Variants in VIRMA observed in about 807,000 individuals in gnomAD.
VIRMA encodes the protein vir like m6A methyltransferase associated, also known as protein virilizer homolog.
In VIRMA, 65 loss-of-function variants were observed where a neutral mutation model predicts 182.4. The observed-to-expected ratio is 0.36, with a 90% confidence interval of 0.29 to 0.44. The LOEUF (loss-of-function observed/expected upper bound fraction) is 0.44, where lower values mean the gene tolerates loss of function less well. Ranked by LOEUF, VIRMA falls within the 20% of genes least tolerant of loss-of-function variation. VIRMA has a pLI of 1.00. For synonymous variants in VIRMA, 709 were observed against 743.1 expected (o/e 0.95, Z 0.75); for missense variants, 1,752 against 2,158.1 (o/e 0.81, Z 3.73).
chr8:94,495,008 A>AT, intron 19 of VIRMA, 52 bp from the exon 20 acceptor site: 16 of 1,324,592 alleles, frequency 1.2e-5, no homozygotes, highest in Non-Finnish European at 1.5e-5. Context: ...ATCAAATTTC[A>AT]ATTTTTTTTT....
chr8:94,519,600 C>T, intron 8 of VIRMA, 124 bp from the exon 9 acceptor site: 1 of 929,520 alleles, frequency 1.1e-6, no homozygotes, highest in South Asian at 2.6e-5. Flanking sequence ...TAATATACTG[C>T]TTTAACTGAA....
chr8:94,537,156 CAA>C lies in VIRMA; in HGVS notation c.267-7_267-6del. The C allele has an allele frequency of 6.3e-7, 1 of 1,582,008 alleles. No homozygotes were observed. The highest frequency in any genetic ancestry group is 8.7e-7 in the Non-Finnish European group (1 of 1,151,118). ...GTATTCTCATCATATTCCAGGCTGT[CAA>C]GAGAGTAGAAATAAATATGTAAGCT... On this transcript the variant is annotated splice_region_variant and splice_polypyrimidine_tract_variant and intron_variant, in intron 3 of 23. Transcript: ENST00000297591.
intron 12 of VIRMA, 108 bp from the exon 13 acceptor site, chr8:94,511,837 TAAATG>T (rs1814389942): frequency 1.4e-6 from 1 of 716,778 alleles, no homozygotes; most frequent in Non-Finnish European, 2.0e-6. Context: ...ATATTTATAA[TAAATG>T]ATTTTTATTA....
intron 6 of VIRMA, 146 bp downstream of exon 6, chr8:94,530,817 T>C: frequency 1.4e-6 from 1 of 699,026 alleles, no homozygotes. Flanking sequence ...GAGGCTGAGG[T>C]GAGAGGATCA....
chr8:94,543,177 G>A (rs1815624651), intron 2 of VIRMA, among the ~76,000 whole-genome samples: 2 of 151,664 alleles, frequency 1.3e-5, no homozygotes, highest in African/African-American at 4.8e-5. Context: ...CAAAGTGCTG[G>A]GATTACCAGT....
chr8:94,544,390 T>C (rs112148681), intron 1 of VIRMA, among the ~76,000 whole-genome samples: 6,068 of 152,140 alleles, frequency 0.04, 133 homozygotes, highest in Non-Finnish European at 0.05. Flanking sequence ...ATAAAGATTA[T>C]GGCCGGGCGC....
In VIRMA at chr8:94,533,552, C is replaced by T. The variant is rs543260775; in HGVS notation, c.484+1287G>A. The T allele has an allele frequency of 8.3e-4, 126 of 152,218 alleles. 1 individual carries two copies. In the South Asian group the frequency reaches 0.024, roughly 29 times the overall value. The allele number at this position is 152,218 out of a possible 1,614,324, so 9.4% of individuals were successfully genotyped here. ...AACTTCCCAGGCTCAAGAGATCCTC[C>T]CACCTCAGCCTCCAGAGTAGCTGGA... On this transcript the variant is annotated intron_variant, in intron 5 of 23. Coordinates refer to ENST00000297591, the MANE Select transcript of VIRMA (RefSeq NM_015496.5).
Position 94,517,337 on chromosome 8 carries a change from G to T in VIRMA, c.2668+451C>A, listed in dbSNP as rs533821872. Among the ~76,000 whole-genome samples the T allele has an allele frequency of 2.6e-5, 4 of 152,340 alleles. No homozygotes were observed. In the South Asian group the frequency reaches 8.3e-4, roughly 32 times the overall value. ...CTTGCCTCAGCCTCCCGAGTAGCTG[G>T]AACCACAGGCGTGTGCCAGCACGCC... On this transcript the variant is annotated intron_variant, in intron 10 of 23. Coordinates refer to ENST00000297591, the MANE Select transcript of VIRMA (RefSeq NM_015496.5).
chr8:94,550,213 A>T (rs1378338702), intron 1 of VIRMA, among the ~76,000 whole-genome samples: 1 of 152,092 alleles, frequency 6.6e-6, no homozygotes, highest in Non-Finnish European at 1.5e-5. Flanking sequence ...CTTACTGCCC[A>T]TTGGCTAACT....
intron 1 of VIRMA, chr8:94,546,814 G>T: frequency 7.5e-6 from 3 of 401,506 alleles, no homozygotes; most frequent in South Asian, 1.8e-5. Flanking sequence ...TTCTCCTACT[G>T]AAGTATGGTC....
intron 7 of VIRMA, 36 bp from the exon 8 acceptor site, chr8:94,527,399 T>G (rs747133787): frequency 8.1e-7 from 1 of 1,227,390 alleles, no homozygotes; most frequent in South Asian, 1.6e-5. Context: ...AAGTATTACA[T>G]CATCTTTGTC....
At chr8:94,531,809 G>A (rs1472293544) in intron 5 of VIRMA, among the ~76,000 whole-genome samples, 1 of 152,166 alleles carries the variant, frequency 6.6e-6, no homozygotes. Context: ...CAACAGGTGA[G>A]CAGTTAAATT....
intron 12 of VIRMA, 22 bp from the exon 13 acceptor site, chr8:94,511,751 GAAAC>G: frequency 6.5e-7 from 1 of 1,541,402 alleles, no homozygotes; most frequent in African/African-American, 1.4e-5. Context: ...ATAAGAAAAA[GAAAC>G]AAAACTAATT....
At chr8:94,495,959 T>G (rs550923988) in intron 18 of VIRMA, 68 bp from the exon 19 acceptor site, 13 of 1,400,618 alleles carry the variant, frequency 9.3e-6, no homozygotes, top group African/African-American at 1.4e-5. Flanking sequence ...TACTGACTCT[T>G]TCGTAGAAAA....
chr8:94,531,091 G>A lies in VIRMA; in HGVS notation c.485-6C>T, dbSNP rs949353573. On this transcript the variant is annotated splice_region_variant and splice_polypyrimidine_tract_variant and intron_variant, in intron 5 of 23. Coordinates refer to ENST00000297591, the MANE Select transcript of VIRMA (RefSeq NM_015496.5). ...ATCTTCTTTCTCCCCATCAGCTAGT[G>A]TTTTATGGGAGACAGAAAAAGAACT... 7 of 1,526,774 alleles carry A rather than the reference G, an allele frequency of 4.6e-6. No individual in the cohort carries two copies. The highest frequency in any genetic ancestry group is 6.1e-6 in the Non-Finnish European group (7 of 1,142,062). 94.6% of individuals were successfully genotyped at this position (1,526,774 alleles called of 1,614,324 possible).
chr8:94,531,310 T>C lies in VIRMA; in HGVS notation c.485-225A>G, dbSNP rs1815165133. ...CGTCAGGACTTGAGTATGCACAGAT[T>C]TGTGTATACACAGGCAGTCCTAGAA... On this transcript the variant is annotated intron_variant, in intron 5 of 23. Transcript: ENST00000297591. Among the ~76,000 whole-genome samples, 3 of 152,322 alleles carry C rather than the reference T, an allele frequency of 2.0e-5. No individual in the cohort carries two copies. The South Asian group carries it at 6.2e-4, about 32-fold the overall frequency.
intron 16 of VIRMA, among the ~76,000 whole-genome samples, chr8:94,501,593 A>T (rs557687665): frequency 6.6e-6 from 1 of 152,232 alleles, no homozygotes; most frequent in South Asian, 2.1e-4. Flanking sequence ...TGAATTTCTC[A>T]CTGTTAGAGA....
chr8:94,540,166 T>C (rs1168444232), intron 2 of VIRMA, among the ~76,000 whole-genome samples: 2 of 152,162 alleles, frequency 1.3e-5, no homozygotes, highest in East Asian at 3.9e-4. Context: ...CATCATACTA[T>C]TACTTGTAAT....
In VIRMA at chr8:94,529,112, C is replaced by T; in HGVS notation, c.838G>A (p.Glu280Lys). 1 of 1,534,610 alleles carries T rather than the reference C, an allele frequency of 6.5e-7. No individual in the cohort carries two copies. Among genetic ancestry groups the T allele is most frequent in the Non-Finnish European group, 9.0e-7 (1 of 1,108,166 alleles). The change falls in exon 7 of 24, where the codon GAA becomes AAA. Residue 280 changes from glutamate to lysine, a missense_variant. This residue lies in a region of VIRMA where 31 missense variants were observed against 68.4 expected (regional missense o/e 0.45). Transcript: ENST00000297591. ...TCTTCACCTTCTTCCTCTTCATCTT[C>T]CTCTTCCTCCTCAGGAATACTGTCT... ...TVDSIPEEEE[E>K]DEEEEGEEDE...
Sources: gnomAD v4.1 joint callset for allele counts (sites outside exome capture counted in the v4.1 genomes callset) on GRCh38, gnomAD v4.1.1 for gene constraint, gnomAD v4.1.1 regional missense constraint, MANE v1.5 for transcripts, NCBI Gene and HGNC (gene_info 2026-07-23, HGNC 2026-07-21) for gene names.